The following QTMAN variants were observed in gnomAD, a reference collection of about 807,000 sequenced individuals.
The protein encoded by QTMAN is tRNA-queuosine alpha-mannosyltransferase.
At chr2:144,174,161 T>G in the QTMAN span, among the ~76,000 whole-genome samples, 2 of 152,308 alleles carry the variant, frequency 1.3e-5, no homozygotes, top group Non-Finnish European at 1.5e-5. Flanking sequence ...AATAATCAGG[T>G]GAAACCCTCT....
At chr2:144,183,855 G>A in the QTMAN span, among the ~76,000 whole-genome samples, 1 of 152,082 alleles carries the variant, frequency 6.6e-6, no homozygotes, top group African/African-American at 2.4e-5. Context: ...ACACTCATCT[G>A]GTTTGACTAA....
chr2:144,244,297 G>A, the QTMAN span, among the ~76,000 whole-genome samples: 3 of 152,196 alleles, frequency 2.0e-5, no homozygotes, highest in Admixed American at 1.3e-4. Context: ...GGGAAGATGA[G>A]CAACTAATTA....
chr2:144,133,328 C>A, the QTMAN span, among the ~76,000 whole-genome samples: 100 of 27,746 alleles, frequency 3.6e-3, 1 homozygote, highest in African/African-American at 9.8e-3. Context: ...TGTATATATA[C>A]ATATATAAAT....
the QTMAN span, among the ~76,000 whole-genome samples, chr2:144,316,128 C>T: frequency 1.4e-4 from 22 of 152,146 alleles, no homozygotes; most frequent in Admixed American, 1.4e-3. Context: ...GTGGTCCCAG[C>T]TTCTCATGAG....
chr2:143,966,539 T>C, the QTMAN span, among the ~76,000 whole-genome samples: 1 of 152,178 alleles, frequency 6.6e-6, no homozygotes, highest in African/African-American at 2.4e-5. Context: ...TGACTAGGGC[T>C]GAGGAAAACG....
the QTMAN span, among the ~76,000 whole-genome samples, chr2:144,076,975 AAAAAT>A: frequency 6.6e-6 from 1 of 152,034 alleles, no homozygotes; most frequent in South Asian, 2.1e-4. Flanking sequence ...AATAAACTAC[AAAAAT>A]AAAATAAAAT....
the QTMAN span, among the ~76,000 whole-genome samples, chr2:144,233,164 T>C: frequency 6.6e-6 from 1 of 152,028 alleles, no homozygotes; most frequent in Non-Finnish European, 1.5e-5. Flanking sequence ...ATCCATATAA[T>C]AAAGGCAAAT....
the QTMAN span, among the ~76,000 whole-genome samples, chr2:144,296,812 T>C: frequency 6.6e-6 from 1 of 152,284 alleles, no homozygotes; most frequent in South Asian, 2.1e-4. Flanking sequence ...CTCACCACTA[T>C]GAGGGCCAAC....
chr2:144,204,438 A>G, the QTMAN span, among the ~76,000 whole-genome samples: 1 of 152,212 alleles, frequency 6.6e-6, no homozygotes, highest in African/African-American at 2.4e-5. Flanking sequence ...CAAAACCACA[A>G]TGAGATACCA....
chr2:144,103,228 T>C, the QTMAN span, among the ~76,000 whole-genome samples: 1 of 152,222 alleles, frequency 6.6e-6, no homozygotes, highest in South Asian at 2.1e-4. Context: ...GTGTATTAGA[T>C]AACTGGCTGC....
chr2:144,236,282 A>G, the QTMAN span, among the ~76,000 whole-genome samples: 2 of 152,098 alleles, frequency 1.3e-5, no homozygotes, highest in Admixed American at 1.3e-4. Context: ...TCTGGGGTAA[A>G]TACCTTAAGA....
the QTMAN span, among the ~76,000 whole-genome samples, chr2:144,157,995 A>G: frequency 6.6e-6 from 1 of 151,954 alleles, no homozygotes; most frequent in Non-Finnish European, 1.5e-5. Flanking sequence ...TGTTTGTTTA[A>G]TCCCCATATT....
chr2:144,206,671 C>T, the QTMAN span, among the ~76,000 whole-genome samples: 3 of 152,164 alleles, frequency 2.0e-5, no homozygotes, highest in African/African-American at 7.2e-5. Context: ...ATATCACCAT[C>T]TTTCAGATAT....
At chr2:144,045,069 T>C in the QTMAN span, among the ~76,000 whole-genome samples, 33 of 152,224 alleles carry the variant, frequency 2.2e-4, no homozygotes, top group Non-Finnish European at 5.9e-5. Flanking sequence ...CTTGAACATA[T>C]ATAAAAGTAA....
At chr2:144,169,594 T>C in the QTMAN span, among the ~76,000 whole-genome samples, 1 of 152,164 alleles carries the variant, frequency 6.6e-6, no homozygotes, top group African/African-American at 2.4e-5. Context: ...TGGATTTTCC[T>C]TACATTAGAA....
the QTMAN span, among the ~76,000 whole-genome samples, chr2:143,987,252 G>C: frequency 1.3e-5 from 2 of 152,146 alleles, no homozygotes; most frequent in Non-Finnish European, 2.9e-5. Flanking sequence ...AAACACCAGG[G>C]ATCATGTACA....
the QTMAN span, among the ~76,000 whole-genome samples, chr2:143,994,673 A>G: frequency 1.3e-5 from 2 of 152,224 alleles, no homozygotes; most frequent in Admixed American, 6.5e-5. Context: ...AATTTACATG[A>G]ATATTCAGAA....
chr2:144,144,923 T>C, the QTMAN span, among the ~76,000 whole-genome samples: 2 of 151,836 alleles, frequency 1.3e-5, no homozygotes, highest in South Asian at 2.1e-4. Flanking sequence ...CATTTCAGAA[T>C]TGTTATTAAC....
the QTMAN span, among the ~76,000 whole-genome samples, chr2:144,211,817 T>C: frequency 2.0e-5 from 3 of 152,118 alleles, no homozygotes; most frequent in Non-Finnish European, 4.4e-5. Flanking sequence ...AAAGGGAATA[T>C]ACTAGTTGCC....
Sources: allele counts gnomAD v4.1 joint callset (sites outside exome capture counted in the v4.1 genomes callset), GRCh38; gene constraint gnomAD v4.1.1; transcripts MANE v1.5; gene names NCBI Gene and HGNC (gene_info 2026-07-23, HGNC 2026-07-21).